The following ABLIM1 variants were observed in gnomAD, a reference collection of about 807,000 sequenced individuals.
The protein encoded by ABLIM1 is actin-binding LIM protein 1.
A neutral mutation model predicts 107.0 loss-of-function variants in ABLIM1; 40 were observed. The ratio of observed to expected loss-of-function variants is 0.37; its 90% CI spans 0.29 to 0.49. The LOEUF (loss-of-function observed/expected upper bound fraction) is 0.49, where lower values mean the gene tolerates loss of function less well. Ranked by LOEUF, ABLIM1 falls within the 20% of genes least tolerant of loss-of-function variation. The pLI is 0.97. For synonymous variants in ABLIM1, 357 were observed against 357.3 expected (o/e 1.00, Z 0.01); for missense variants, 857 against 1,008.5 (o/e 0.85, Z 2.04).
In ABLIM1 at chr10:114,547,791, C is replaced by T; in HGVS notation, c.674-15G>A. On this transcript the variant is annotated splice_polypyrimidine_tract_variant and intron_variant, in intron 4 of 22. Coordinates refer to ENST00000533213, the MANE Select transcript of ABLIM1 (RefSeq NM_002313.7). ...GCCGGCACAATCTGAAAAAGAGCAG[C>T]CGCCAGTGGTTACTACACATTTCCT... 1 of 1,605,036 alleles carries T rather than the reference C, an allele frequency of 6.2e-7. No individual in the cohort carries two copies. The highest frequency in any genetic ancestry group is 8.5e-7 in the Non-Finnish European group (1 of 1,179,784).
chr10:114,516,531 A>C (rs570611735), intron 6 of ABLIM1, among the ~76,000 whole-genome samples: 3 of 152,324 alleles, frequency 2.0e-5, no homozygotes, highest in African/African-American at 7.2e-5. Context: ...CTCCAAAAAA[A>C]GCCAAAACAA....
chr10:114,527,854 T>TC (rs2065012309), intron 6 of ABLIM1, among the ~76,000 whole-genome samples: 1 of 150,650 alleles, frequency 6.6e-6, no homozygotes, highest in Non-Finnish European at 1.5e-5. Context: ...TTTTTTTTTT[T>TC]TGAGACGGAG....
chr10:114,613,367 C>T (rs2076937403), intron 1 of ABLIM1, among the ~76,000 whole-genome samples: 1 of 152,212 alleles, frequency 6.6e-6, no homozygotes, highest in African/African-American at 2.4e-5. Flanking sequence ...CCCTTCCCAA[C>T]TGTATGGTTG....
chr10:114,719,212 G>C (rs2081779093), intron 1 of ABLIM1, among the ~76,000 whole-genome samples: 1 of 152,168 alleles, frequency 6.6e-6, no homozygotes, highest in African/African-American at 2.4e-5. Flanking sequence ...ATAAGAGTCT[G>C]AAAATTAAAT....
intron 11 of ABLIM1, among the ~76,000 whole-genome samples, 181 bp from the exon 12 acceptor site, chr10:114,466,008 T>C (rs1241064770): frequency 6.6e-6 from 1 of 152,262 alleles, no homozygotes; most frequent in Non-Finnish European, 1.5e-5. Flanking sequence ...CTGTGGCTAA[T>C]ATATTTTGTT....
chr10:114,721,346 C>A (rs2081841688), intron 1 of ABLIM1, among the ~76,000 whole-genome samples: 1 of 152,110 alleles, frequency 6.6e-6, no homozygotes, highest in Non-Finnish European at 1.5e-5. Flanking sequence ...CTCAGCCTGG[C>A]CAGCAGGACC....
At chr10:114,448,853 G>A (rs1454755284) in intron 14 of ABLIM1, among the ~76,000 whole-genome samples, 2 of 151,976 alleles carry the variant, frequency 1.3e-5, no homozygotes, top group African/African-American at 2.4e-5. Context: ...CAGGTGATTC[G>A]CCCACCATGG....
chr10:114,704,203 G>C (rs990865263), intron 1 of ABLIM1, among the ~76,000 whole-genome samples: 2 of 150,400 alleles, frequency 1.3e-5, no homozygotes, highest in Non-Finnish European at 3.0e-5. Context: ...GCATTTGTGT[G>C]ATTAGGCTTT....
At chr10:114,581,684 T>C (rs2073396559) in intron 2 of ABLIM1, among the ~76,000 whole-genome samples, 1 of 152,122 alleles carries the variant, frequency 6.6e-6, no homozygotes, top group Admixed American at 6.6e-5. Context: ...TCCTTTCTTC[T>C]CTTTTCTAGG....
At chr10:114,735,824 CA>C (rs1234464347) in intron 1 of ABLIM1, among the ~76,000 whole-genome samples, 2 of 152,102 alleles carry the variant, frequency 1.3e-5, no homozygotes, top group African/African-American at 4.8e-5. Flanking sequence ...GTGGTCAAGT[CA>C]AAGTTATATT....
At chr10:114,734,387 T>G (rs1038358857) in intron 1 of ABLIM1, among the ~76,000 whole-genome samples, 1 of 152,302 alleles carries the variant, frequency 6.6e-6, no homozygotes, top group Non-Finnish European at 1.5e-5. Flanking sequence ...CCCTCCATAA[T>G]GTGGTCCTAA....
chr10:114,436,363 G>A lies in ABLIM1; in HGVS notation c.2234C>T (p.Ala745Val), dbSNP rs755848376. The A allele has an allele frequency of 1.9e-6, 3 of 1,612,482 alleles. No homozygotes were observed. The change falls in exon 23 of 23, where the codon GCC becomes GTC. Residue 745 changes from alanine to valine, a missense_variant. Physicochemically the swap from Ala to Val is moderately conservative, Grantham distance 64. Transcript: ENST00000533213. Reference sequence around the variant, plus strand: ...AAAGATTTCCCGAAACACTTCAGGGGCTAAGTGGCGCTGGGAAGAAGAAAA... The same window carrying A: ...AAAGATTTCCCGAAACACTTCAGGGACTAAGTGGCGCTGGGAAGAAGAAAA... ...VDRTRLERHL[A>V]PEVFREIFGM...
chr10:114,571,385 G>C lies in ABLIM1; in HGVS notation c.585C>G (p.Asp195Glu). 6.2e-7 allele frequency: 1 copy of C among 1,614,192 alleles called. No individual in the cohort carries two copies. The highest frequency in any genetic ancestry group is 1.1e-5 in the South Asian group (1 of 91,082). ...AGTCTCTCCCATTGAATGTGACTCG[G>C]TCTCCGGGTGGAAACGGGCGCCTGG... ...TICKRPFPPG[D>E]RVTFNGRDCL... Residue 195 changes from aspartate to glutamate, a missense_variant, in exon 4 of 23, where the codon GAC becomes GAG. This residue lies in a region of ABLIM1 where 381 missense variants were observed against 506.9 expected (regional missense o/e 0.75). Transcript: ENST00000533213.
intron 1 of ABLIM1, among the ~76,000 whole-genome samples, chr10:114,655,513 G>C (rs183049494): frequency 2.4e-3 from 370 of 152,310 alleles, no homozygotes; most frequent in African/African-American, 8.5e-3. Flanking sequence ...ACATTCCATA[G>C]AAGCATCGAA....
the ABLIM1 span, among the ~76,000 whole-genome samples, chr10:114,780,561 T>A: frequency 6.6e-6 from 1 of 152,134 alleles, no homozygotes. Flanking sequence ...GCTCTCTCTC[T>A]CTCCCTGCCA....
chr10:114,793,268 GGTGCTGTCCTT>G, the ABLIM1 span, among the ~76,000 whole-genome samples: 1,073 of 152,266 alleles, frequency 7.0e-3, 11 homozygotes, highest in African/African-American at 0.024. Context: ...CCATCCTCTT[GGTGCTGTCCTT>G]GTGATAGTGA....
At chr10:114,695,840 CTCTGA>C (rs2081183173) in intron 1 of ABLIM1, among the ~76,000 whole-genome samples, 1 of 152,166 alleles carries the variant, frequency 6.6e-6, no homozygotes, top group Non-Finnish European at 1.5e-5. Flanking sequence ...AAATTTTGAT[CTCTGA>C]TCGTAAGAGA....
the ABLIM1 span, among the ~76,000 whole-genome samples, chr10:114,784,345 C>CA: frequency 1.0e-5 from 1 of 98,364 alleles, no homozygotes; most frequent in South Asian, 3.0e-4. Flanking sequence ...GACTCTGTCT[C>CA]AAAAAAAGAA....
chr10:114,769,749 G>GA (rs568242720), upstream of ABLIM1, among the ~76,000 whole-genome samples: 1 of 151,914 alleles, frequency 6.6e-6, no homozygotes, highest in African/African-American at 2.4e-5. Context: ...GAGCATTGTT[G>GA]AAAAAAACCC....
Sources: gnomAD v4.1 joint callset for allele counts (sites outside exome capture counted in the v4.1 genomes callset) on GRCh38, gnomAD v4.1.1 for gene constraint, gnomAD v4.1.1 regional missense constraint, MANE v1.5 for transcripts, NCBI Gene and HGNC (gene_info 2026-07-23, HGNC 2026-07-21) for gene names.